The following TENM3 variants were observed in gnomAD, a reference collection of about 807,000 sequenced individuals.
TENM3 encodes teneurin-3.
TENM3 carries 63 observed loss-of-function variants against 255.1 expected under a neutral mutation model. That is an observed-to-expected ratio of 0.25 (90% CI 0.20 to 0.30). TENM3 has a LOEUF of 0.30. TENM3 is among the 10% of genes least tolerant of loss of function. The pLI is 1.00. For missense variants in TENM3, 2,929 were observed against 3,461.1 expected, an observed-to-expected ratio of 0.85 and a Z score of 3.86; for synonymous variants, 1,306 against 1,322.3, an observed-to-expected ratio of 0.99 and a Z score of 0.27.
chr4:181,856,433 C>A, the TENM3 span, among the ~76,000 whole-genome samples: 1 of 152,146 alleles, frequency 6.6e-6, no homozygotes, highest in Admixed American at 6.5e-5. Context: ...CCCAGTCAAC[C>A]CATTTGAGAT....
the TENM3 span, among the ~76,000 whole-genome samples, chr4:181,864,832 A>C: frequency 7.2e-5 from 11 of 152,178 alleles, no homozygotes; most frequent in East Asian, 1.9e-3. Context: ...AGTGTTTTAC[A>C]GAGGGCACCC....
chr4:182,720,970 A>G (rs1759679084), intron 13 of TENM3, among the ~76,000 whole-genome samples: 1 of 151,714 alleles, frequency 6.6e-6, no homozygotes, highest in African/African-American at 2.4e-5. Context: ...ATTTCACCAC[A>G]TTGGCCAAGC....
the TENM3 span, among the ~76,000 whole-genome samples, chr4:181,504,386 C>T: frequency 5.9e-5 from 9 of 152,284 alleles, no homozygotes; most frequent in African/African-American, 2.2e-4. Context: ...AGAGCAGGCT[C>T]CTTCTAATAG....
chr4:181,947,212 T>C, the TENM3 span, among the ~76,000 whole-genome samples: 5 of 152,222 alleles, frequency 3.3e-5, no homozygotes, highest in Non-Finnish European at 7.3e-5. Context: ...ACTTTTAAAA[T>C]AATAAATTGA....
At position 182,799,848 on chromosome 4, in the gene TENM3, T is replaced by C; in HGVS notation, c.7597T>C (p.Tyr2533His). The C allele has an allele frequency of 1.2e-6, 2 of 1,611,496 alleles. No individual in the cohort carries two copies. Among genetic ancestry groups the C allele is most frequent in the Non-Finnish European group, 1.7e-6 (2 of 1,179,084 alleles). Residue 2533 changes from tyrosine (Y) to histidine (H), a missense_variant, in exon 28 of 28, where the codon TAC becomes CAC. Around this residue, in one of 6 missense-constraint regions of TENM3, gnomAD observed 476 missense variants for 480.1 expected, o/e 0.99. Transcript: ENST00000511685. The surrounding 1 kb of genome is among the most constrained non-coding windows in gnomAD (Gnocchi z 4.2). ...GGCGGCCGTGCTCAACAACGCCTTC[T>C]ACCTGGAGAACCTGCACTTCACCAT... ...KVAAVLNNAF[Y>H]LENLHFTIEG...
chr4:182,692,684 A>G (rs12501438), intron 12 of TENM3, among the ~76,000 whole-genome samples: 23,357 of 152,182 alleles, frequency 0.15, 2,539 homozygotes, highest in East Asian at 0.48. Flanking sequence ...AAGAAGCTCG[A>G]GTCAGAAAGC....
chr4:182,278,262 G>A (rs1417327011), intron 1 of TENM3, among the ~76,000 whole-genome samples: 1 of 152,158 alleles, frequency 6.6e-6, no homozygotes, highest in Non-Finnish European at 1.5e-5. Context: ...AGCTACTCGG[G>A]AGGCTGAGGC....
At chr4:181,497,996 G>T in the TENM3 span, among the ~76,000 whole-genome samples, 1 of 152,068 alleles carries the variant, frequency 6.6e-6, no homozygotes, top group African/African-American at 2.4e-5. Flanking sequence ...TCAAAAACAG[G>T]TACTCTCTTT....
the TENM3 span, among the ~76,000 whole-genome samples, chr4:181,464,548 AG>A: frequency 6.6e-6 from 1 of 152,180 alleles, no homozygotes; most frequent in African/African-American, 2.4e-5. Flanking sequence ...GCTAGGTGCA[AG>A]TTCCCTTATC....
intron 13 of TENM3, among the ~76,000 whole-genome samples, chr4:182,722,505 A>G (rs1327238390): frequency 6.6e-6 from 1 of 151,970 alleles, no homozygotes; most frequent in African/African-American, 2.4e-5. Context: ...TTAATGAGAC[A>G]GTTGTCTGAG....
intron 1 of TENM3, among the ~76,000 whole-genome samples, chr4:182,290,651 C>T (rs963573660): frequency 2.1e-4 from 31 of 150,352 alleles, no homozygotes; most frequent in African/African-American, 5.1e-4. Flanking sequence ...TACAGGCGCC[C>T]GCCACCACGC....
chr4:182,183,533 G>C (rs1272604855), intron 1 of TENM3, among the ~76,000 whole-genome samples: 1 of 152,118 alleles, frequency 6.6e-6, no homozygotes, highest in East Asian at 1.9e-4. Context: ...AAGTCTCCAG[G>C]AATGATAAGG....
chr4:181,682,572 T>C, the TENM3 span, among the ~76,000 whole-genome samples: 1 of 152,164 alleles, frequency 6.6e-6, no homozygotes, highest in Non-Finnish European at 1.5e-5. Context: ...AAAATAACAT[T>C]GTCAAGATGG....
Position 182,548,435 on chromosome 4 carries a change from A to G in TENM3, c.512-52489A>G, listed in dbSNP as rs548423662. On this transcript the variant is annotated intron_variant, in intron 3 of 27. Coordinates refer to ENST00000511685, the MANE Select transcript of TENM3 (RefSeq NM_001080477.4). ...GAACCCAGACTCTTAACTCCAACAC[A>G]GATCACTAAAGCTTTGGACTGAAAA... is the stretch of plus-strand genomic sequence containing the variant. 2.0e-4 allele frequency among the ~76,000 whole-genome samples: 30 copies of G among 152,288 alleles called. 1 individual carries two copies. The South Asian group carries it at 6.0e-3, about 31-fold the overall frequency.
chr4:182,158,284 TA>T (rs1487490478), intron 1 of TENM3, among the ~76,000 whole-genome samples: 1 of 152,166 alleles, frequency 6.6e-6, no homozygotes, highest in Non-Finnish European at 1.5e-5. Context: ...ATTGGGGTAA[TA>T]AAAAACACAC....
intron 5 of TENM3, among the ~76,000 whole-genome samples, chr4:182,632,110 C>G (rs1409874380): frequency 6.6e-6 from 1 of 152,156 alleles, no homozygotes; most frequent in Non-Finnish European, 1.5e-5. Flanking sequence ...TGTACATATA[C>G]AGCTAGAGGT....
chr4:181,968,990 C>CTATATATA, the TENM3 span, among the ~76,000 whole-genome samples: 57 of 94,834 alleles, frequency 6.0e-4, 3 homozygotes, highest in South Asian at 0.017. Flanking sequence ...CTCTCTCTCT[C>CTATATATA]TCTATATACA....
At chr4:182,664,978 C>A (rs1183750902) in intron 6 of TENM3, among the ~76,000 whole-genome samples, 2 of 152,182 alleles carry the variant, frequency 1.3e-5, no homozygotes, top group African/African-American at 4.8e-5. Context: ...AGCAAGTTAT[C>A]CAGAAGATCT....
At chr4:182,777,511 A>ATGTGTGTGTGTGTGTGTGTG (rs150202066) in intron 24 of TENM3, among the ~76,000 whole-genome samples, 20 of 99,898 alleles carry the variant, frequency 2.0e-4, no homozygotes, top group East Asian at 9.7e-4. Context: ...TAATGTGTTT[A>ATGTGTGTGTGTGTGTGTGTG]TGTGTGTGTG....
Sources: gnomAD v4.1 joint callset for allele counts (sites outside exome capture counted in the v4.1 genomes callset) on GRCh38, gnomAD v4.1.1 for gene constraint, gnomAD v4.1.1 regional missense constraint, Gnocchi (gnomAD v3.1) non-coding constraint, MANE v1.5 for transcripts, NCBI Gene and HGNC (gene_info 2026-07-23, HGNC 2026-07-21) for gene names.